ZHX3: variants seen among roughly 807,000 people sequenced by gnomAD.
ZHX3 encodes zinc fingers and homeoboxes 3.
In ZHX3, 20 loss-of-function variants were observed where a neutral mutation model predicts 64.5. The observed-to-expected ratio is 0.31, with a 90% CI of 0.22 to 0.45. The LOEUF is 0.45. ZHX3 is among the 20% of genes least tolerant of loss of function. The pLI is 1.00. For synonymous variants in ZHX3, 423 were observed against 461.6 expected (o/e 0.92, Z 1.07); for missense variants, 1,041 against 1,195.8 (o/e 0.87, Z 1.91).
chr20:41,314,353 A>C (rs2045229135), intron 1 of ZHX3, among the ~76,000 whole-genome samples: 1 of 152,244 alleles, frequency 6.6e-6, no homozygotes, highest in Non-Finnish European at 1.5e-5. Context: ...AGGCCATCCA[A>C]AAACTGATAA....
chr20:41,291,872 G>C (rs2044259776), intron 1 of ZHX3, among the ~76,000 whole-genome samples: 1 of 151,792 alleles, frequency 6.6e-6, no homozygotes, highest in African/African-American at 2.4e-5. Context: ...TGGCACTCTA[G>C]TTGTTTTTAA....
At chr20:41,241,482 C>A (rs1464274800) in intron 2 of ZHX3, among the ~76,000 whole-genome samples, 1 of 152,072 alleles carries the variant, frequency 6.6e-6, no homozygotes, top group Non-Finnish European at 1.5e-5. Context: ...GTTAATTGTT[C>A]CCCTTGCTGT....
rs899134595 is a variant in ZHX3, at chr20:41,195,785, A to G, written c.2860+6272T>C. On this transcript the variant is annotated intron_variant, in intron 3 of 3. Transcript: ENST00000683867. This position sits in a 1 kb window ranked among gnomAD's most constrained non-coding sequence, Gnocchi z 4.2. Reference sequence around the variant, plus strand: ...CTTAGGATTGCTTTCACTATGTGTCATAAGTTCTGGTATGCTGTGTTTTCA... The same window carrying G: ...CTTAGGATTGCTTTCACTATGTGTCGTAAGTTCTGGTATGCTGTGTTTTCA... Among the ~76,000 whole-genome samples the G allele has an allele frequency of 3.3e-5, 5 of 152,196 alleles. No homozygotes were observed. Among genetic ancestry groups the G allele is most frequent in the African/African-American group, 9.7e-5 (4 of 41,446 alleles).
At chr20:41,281,058 A>G (rs1600615815) in intron 1 of ZHX3, among the ~76,000 whole-genome samples, 1 of 152,212 alleles carries the variant, frequency 6.6e-6, no homozygotes, top group African/African-American at 2.4e-5. Context: ...TTAAATTACA[A>G]AATAAAGTTG....
intron 3 of ZHX3, among the ~76,000 whole-genome samples, chr20:41,194,035 A>G (rs998168416): frequency 6.6e-6 from 1 of 152,154 alleles, no homozygotes; most frequent in Non-Finnish European, 1.5e-5. Context: ...TCATCTGTGA[A>G]CAAAGATAAT....
chr20:41,212,044 T>C lies in ZHX3; in HGVS notation c.-150-6978A>G, dbSNP rs370046339. On this transcript the variant is annotated intron_variant, in intron 2 of 3. Transcript: ENST00000683867. This position sits in a 1 kb window ranked among gnomAD's most constrained non-coding sequence, Gnocchi z 4.3. The stretch of plus-strand genomic sequence containing the variant: ...AACGACAAAAGAAAAAACAGATAAA[T>C]TGGATGTCATCAAAATTAAAAACTT... 1.3e-5 allele frequency among the ~76,000 whole-genome samples: 2 copies of C among 152,110 alleles called. No individual in the cohort carries two copies. The highest frequency in any genetic ancestry group is 6.6e-5 in the Admixed American group (1 of 15,262).
At chr20:41,307,918 A>T (rs769245207) in intron 1 of ZHX3, among the ~76,000 whole-genome samples, 1 of 152,168 alleles carries the variant, frequency 6.6e-6, no homozygotes, top group African/African-American at 2.4e-5. Context: ...TCGACTTTTT[A>T]AAAAGTTCCT....
chr20:41,214,184 T>C (rs941102467), intron 2 of ZHX3, among the ~76,000 whole-genome samples: 1 of 152,188 alleles, frequency 6.6e-6, no homozygotes, highest in African/African-American at 2.4e-5. Flanking sequence ...CCATTGACTA[T>C]AAGCAATTAC....
At chr20:41,229,750 T>G (rs2040481887) in intron 2 of ZHX3, among the ~76,000 whole-genome samples, 1 of 152,194 alleles carries the variant, frequency 6.6e-6, no homozygotes, top group Admixed American at 6.5e-5. Context: ...TCAGGTTGTC[T>G]GGGGTTTTTT....
rs1016623898 is a variant in ZHX3 at position 41,200,576 on chromosome 20, C to G, written c.2860+1481G>C. Among the ~76,000 whole-genome samples, 1 of 152,094 alleles carries G rather than the reference C, an allele frequency of 6.6e-6. No individual in the cohort carries two copies. The highest frequency in any genetic ancestry group is 2.4e-5 in the African/African-American group (1 of 41,410). On this transcript the variant is annotated intron_variant, in intron 3 of 3. Transcript: ENST00000683867. The surrounding 1 kb of genome is among the most constrained non-coding windows in gnomAD (Gnocchi z 4.2). ...AAGGAGGGGAGTGTTTTGTTGTTGC[C>G]GTATTGAAAACATGGCTGGAGTTGG... is the stretch of plus-strand genomic sequence containing the variant.
chr20:41,221,285 C>T lies in ZHX3; in HGVS notation c.-150-16219G>A, dbSNP rs80174496. Among the ~76,000 whole-genome samples the T allele has an allele frequency of 4.8e-3, 738 of 152,256 alleles. 4 individuals carry two copies. The highest frequency in any genetic ancestry group is 0.017 in the African/African-American group (710 of 41,546). On this transcript the variant is annotated intron_variant, in intron 2 of 3. Transcript: ENST00000683867. ...TCTTTCACAAAAGTTTTTACCCAAA[C>T]GATGCCACATTATTTATAATGTGAG...
At chr20:41,190,230 A>G (rs1223581797) in intron 3 of ZHX3, among the ~76,000 whole-genome samples, 2 of 152,218 alleles carry the variant, frequency 1.3e-5, no homozygotes, top group African/African-American at 2.4e-5. Flanking sequence ...GTGGAAGCAC[A>G]GGGGTGCAAT....
chr20:41,287,456 A>T (rs980840678), intron 1 of ZHX3, among the ~76,000 whole-genome samples: 4 of 152,146 alleles, frequency 2.6e-5, no homozygotes, highest in African/African-American at 9.7e-5. Flanking sequence ...GTGAAACCTC[A>T]TCTCCTTGAG....
intron 1 of ZHX3, among the ~76,000 whole-genome samples, chr20:41,284,381 G>C (rs369501906): frequency 7.9e-5 from 12 of 152,078 alleles, no homozygotes; most frequent in African/African-American, 2.7e-4. Context: ...CTGCCCATTA[G>C]GTATCTCCTC....
chr20:41,236,022 T>A (rs1481952475), intron 2 of ZHX3, among the ~76,000 whole-genome samples: 2 of 152,160 alleles, frequency 1.3e-5, no homozygotes, highest in Admixed American at 6.5e-5. Context: ...CCATTCACAA[T>A]TGCTTCAAAG....
chr20:41,198,353 A>AAATG (rs2037935924), intron 3 of ZHX3, among the ~76,000 whole-genome samples: 2 of 151,016 alleles, frequency 1.3e-5, no homozygotes, highest in Non-Finnish European at 2.9e-5. Context: ...AGCATGAAGG[A>AAATG]CTCCCTTTAG....
chr20:41,226,793 A>G lies in ZHX3; in HGVS notation c.-150-21727T>C, dbSNP rs1465356068. Among the ~76,000 whole-genome samples the G allele has an allele frequency of 6.6e-6, 1 of 152,186 alleles. No homozygotes were observed. The highest frequency in any genetic ancestry group is 1.5e-5 in the Non-Finnish European group (1 of 68,032). On this transcript the variant is annotated intron_variant, in intron 2 of 3. Coordinates refer to ENST00000683867, the MANE Select transcript of ZHX3 (RefSeq NM_001384317.1). The surrounding 1 kb of genome is among the most constrained non-coding windows in gnomAD (Gnocchi z 4.4). ...GGAAGGAAGCTATTATACCTTTCCT[A>G]TCCCTTTCTGTTGGAAGAACTCTAG...
At position 41,202,869 on chromosome 20, in the gene ZHX3, T is replaced by C. The variant is rs1234978607; in HGVS notation, c.2048A>G (p.Glu683Gly). 1 of 1,614,062 alleles carries C rather than the reference T, an allele frequency of 6.2e-7. No homozygotes were observed. Residue 683 changes from glutamate to glycine, a missense_variant, in exon 3 of 4, where the codon GAA (glutamate) becomes GGA (glycine). Glu to Gly is a moderately conservative substitution (Grantham distance 98). This residue lies in a region of ZHX3 where 649 missense variants were observed against 739.8 expected (regional missense o/e 0.88). Coordinates refer to ENST00000683867, the MANE Select transcript of ZHX3 (RefSeq NM_001384317.1). The surrounding 1 kb of genome is among the most constrained non-coding windows in gnomAD (Gnocchi z 7.0). ...KKAEENASQE[E>G]EEAAEDEGGE... ...ACCCTCATCCTCAGCAGCCTCCTCT[T>C]CCTCCTGAGAGGCATTCTCCTCAGC...
rs1055898777 is a variant in ZHX3 at position 41,228,039 on chromosome 20, C to G, written c.-150-22973G>C. Among the ~76,000 whole-genome samples the G allele has an allele frequency of 2.6e-5, 4 of 152,122 alleles. No individual in the cohort carries two copies. Among genetic ancestry groups the G allele is most frequent in the Admixed American group, 6.5e-5 (1 of 15,278 alleles). On this transcript the variant is annotated intron_variant, in intron 2 of 3. Transcript: ENST00000683867. The surrounding 1 kb of genome is among the most constrained non-coding windows in gnomAD (Gnocchi z 4.6). ...CTCCTTCTGCCCAAACCACTTGCAC[C>G]AAGGTCATCAGTCAAGTGGCTCTTT...
Sources: allele counts gnomAD v4.1 joint callset (sites outside exome capture counted in the v4.1 genomes callset), GRCh38; gene constraint gnomAD v4.1.1; regional missense constraint gnomAD v4.1.1; non-coding constraint Gnocchi (gnomAD v3.1); transcripts MANE v1.5; gene names NCBI Gene and HGNC (gene_info 2026-07-23, HGNC 2026-07-21).